GAS5: variants seen among roughly 807,000 people sequenced by gnomAD.
The protein encoded by GAS5 is growth arrest specific 5 (non-protein coding).
intron 6 of GAS5, chr1:173,865,273 C>CT: frequency 2.5e-6 from 1 of 394,616 alleles, no homozygotes. Context: ...GTCAAGCCGA[C>CT]TCTCCATACC....
intron 3 of GAS5, chr1:173,866,240 T>C (rs1225293639): frequency 8.2e-6 from 4 of 486,190 alleles, no homozygotes; most frequent in East Asian, 1.1e-4. Context: ...CAGCAAAAAA[T>C]ATTTTAATGG....
chr1:173,866,046 C>A (rs778856850), intron 4 of GAS5: 1 of 519,052 alleles, frequency 1.9e-6, no homozygotes, highest in Non-Finnish European at 3.8e-6. Flanking sequence ...TACAAACTTT[C>A]TTATTAATCA....
rs991277554 is a variant in GAS5, at chr1:173,865,175, C to A, written n.276+296G>T. 14 of 330,102 alleles carry A rather than the reference C, an allele frequency of 4.2e-5. No individual in the cohort carries two copies. In the Admixed American group the frequency reaches 5.8e-4, roughly 14 times the overall value. 20.4% of individuals were successfully genotyped at this position (330,102 alleles called of 1,614,324 possible). On this transcript the variant is annotated intron_variant and non_coding_transcript_variant, in intron 6 of 7. Transcript: ENST00000651080. ...TAGTGCCGCTGCACTCCATTCTGGG[C>A]AAGAGCTAGACTCTTGTCTAAAAAA... is the stretch of plus-strand genomic sequence containing the variant.
chr1:173,864,367 G>A (rs769715678), intron 6 of GAS5: 4 of 518,818 alleles, frequency 7.7e-6, no homozygotes, highest in Admixed American at 5.8e-5. Context: ...TGTTAGTAGA[G>A]TAACCTCAGA....
upstream of GAS5, chr1:173,868,974 T>G (rs908142586): frequency 6.6e-6 from 1 of 152,658 alleles, no homozygotes. Flanking sequence ...CTCCAGGGGC[T>G]TCCTCACTGG....
intron 1 of GAS5, chr1:173,866,982 A>T (rs931728456): frequency 2.6e-6 from 2 of 765,404 alleles, no homozygotes; most frequent in Admixed American, 3.4e-5. Flanking sequence ...TACTTTCCCC[A>T]ATTCTTACCT....
At chr1:173,866,496 A>T in intron 3 of GAS5, 3 of 668,738 alleles carry the variant, frequency 4.5e-6, no homozygotes, top group Non-Finnish European at 8.3e-6. Context: ...TAATCCCTTA[A>T]AAGTGAGAAG....
At chr1:173,864,838 G>C (rs1304796523) in intron 6 of GAS5, 2 of 519,184 alleles carry the variant, frequency 3.9e-6, no homozygotes, top group Non-Finnish European at 7.7e-6. Context: ...AGATACATCA[G>C]ATAGGAGCGA....
chr1:173,864,461 A>AC, intron 6 of GAS5: 1 of 516,764 alleles, frequency 1.9e-6, no homozygotes, highest in Non-Finnish European at 3.9e-6. Context: ...GAAAATCATC[A>AC]CATGTACCAA....
At chr1:173,867,605 G>C (rs1029130683), upstream of GAS5, 4 of 517,278 alleles carry the variant, frequency 7.7e-6, no homozygotes, top group African/African-American at 7.7e-5. Flanking sequence ...CCTTTCATGA[G>C]AGCGGACGGC....
At chr1:173,864,990 G>C (rs991121796) in intron 6 of GAS5, 5 of 486,314 alleles carry the variant, frequency 1.0e-5, no homozygotes, top group African/African-American at 9.9e-5. Context: ...AGGTCAGTGC[G>C]GGCAGTATCA....
intron 1 of GAS5, chr1:173,866,807 A>G (rs1654759446): frequency 2.6e-6 from 2 of 765,130 alleles, no homozygotes; most frequent in Non-Finnish European, 4.8e-6. Flanking sequence ...CTAGAAAACA[A>G]AAAGATGCAA....
upstream of GAS5, chr1:173,867,866 A>T (rs535671125): frequency 3.4e-5 from 15 of 447,542 alleles, no homozygotes; most frequent in Middle Eastern, 9.5e-4. Context: ...AAGGCGCGCG[A>T]CTGGCTTAGA....
intron 6 of GAS5, chr1:173,864,768 C>T (rs1423258521): frequency 1.9e-6 from 1 of 515,446 alleles, no homozygotes; most frequent in East Asian, 5.4e-5. Flanking sequence ...TCCAAAATCT[C>T]CAAACATTAT....
At chr1:173,865,386 CAG>C (rs753997529) in intron 6 of GAS5, 25 of 515,706 alleles carry the variant, frequency 4.8e-5, no homozygotes, top group Admixed American at 9.8e-5. Flanking sequence ...TTTTCTTTCT[CAG>C]AGAGATTCCC....
upstream of GAS5, chr1:173,867,393 G>A: frequency 2.8e-6 from 1 of 358,874 alleles, no homozygotes. Context: ...GCGCGCGCCT[G>A]TAGTCCCAGT....
At chr1:173,866,330 CATG>C (rs745329212) in intron 3 of GAS5, 10 of 521,182 alleles carry the variant, frequency 1.9e-5, no homozygotes, top group Non-Finnish European at 3.4e-5. Context: ...TACATCTCTT[CATG>C]ATTAAATCTG....
At chr1:173,865,480 G>GT (rs1654440953) in exon 6 of GAS5, 1 of 507,084 alleles carries the variant, frequency 2.0e-6, no homozygotes, top group East Asian at 5.5e-5. Context: ...CCTTTAAAAG[G>GT]TATGACAGGA....
At chr1:173,867,506 G>C (rs948253091), upstream of GAS5, 5 of 370,522 alleles carry the variant, frequency 1.3e-5, no homozygotes, top group Admixed American at 6.5e-5. Flanking sequence ...AACGAGGCTC[G>C]GTCTCAAAAA....
Sources: allele counts gnomAD v4.1 joint callset, GRCh38; gene constraint gnomAD v4.1.1; transcripts MANE v1.5; gene names NCBI Gene and HGNC (gene_info 2026-07-23, HGNC 2026-07-21).